Variants in PLXNB2 observed in about 807,000 individuals in gnomAD.
PLXNB2 encodes the protein plexin-B2.
PLXNB2 carries 85 observed loss-of-function variants against 202.6 expected under a neutral mutation model. That is an observed-to-expected ratio of 0.42 (90% confidence interval 0.35 to 0.50). The LOEUF (loss-of-function observed/expected upper bound fraction) is 0.50, where lower values mean the gene tolerates loss of function less well. Ranked by LOEUF, PLXNB2 falls within the 20% of genes least tolerant of loss-of-function variation. The pLI, the probability that PLXNB2 is intolerant of heterozygous loss-of-function variation, is 0.02. For missense variants in PLXNB2, 2,063 were observed against 2,586.2 expected (o/e 0.80, Z 4.39); for synonymous variants, 1,239 against 1,137.6 (o/e 1.09, Z -1.79).
Position 50,283,364 on chromosome 22 carries a change from C to T in PLXNB2, c.2652G>A (p.Ser884=), listed in dbSNP as rs374133339. The change falls in exon 16 of 37, where the codon TCG becomes TCA. Residue 884 remains serine, a synonymous_variant. Coordinates refer to ENST00000359337, the MANE Select transcript of PLXNB2 (RefSeq NM_012401.4). The part of the protein sequence containing the change: ...EVDVFGKLGR[S]PPNVQFTFQQ... Reference sequence around the variant, plus strand: ...GGAAGGTGAACTGGACATTGGGAGGCGAACGGCCCAGTTTCCCGAAGACGT... The same window carrying T: ...GGAAGGTGAACTGGACATTGGGAGGTGAACGGCCCAGTTTCCCGAAGACGT... The T allele has an allele frequency of 3.1e-4, 498 of 1,613,038 alleles. No homozygotes were observed. The highest frequency in any genetic ancestry group is 3.8e-4 in the Non-Finnish European group (454 of 1,179,926).
At chr22:50,280,338 C>T in intron 25 of PLXNB2, 151 bp downstream of exon 25, 1 of 720,228 alleles carries the variant, frequency 1.4e-6, no homozygotes, top group Non-Finnish European at 2.2e-6. Flanking sequence ...TGGCCGGGGA[C>T]ACCACCCCTA....
intron 1 of PLXNB2, among the ~76,000 whole-genome samples, chr22:50,305,536 A>T (rs2067854392): frequency 1.3e-5 from 2 of 152,210 alleles, no homozygotes; most frequent in South Asian, 4.1e-4. Context: ...CGCCATATCC[A>T]GAGGGGGTCG....
intron 36 of PLXNB2, 22 bp from the exon 37 acceptor site, chr22:50,275,830 G>T: frequency 1.2e-6 from 2 of 1,606,618 alleles, no homozygotes; most frequent in Non-Finnish European, 8.5e-7. Flanking sequence ...TCGCATCAGA[G>T]CACACCGGGG....
At chr22:50,306,062 G>C (rs900030780) in intron 1 of PLXNB2, among the ~76,000 whole-genome samples, 24 of 152,202 alleles carry the variant, frequency 1.6e-4, no homozygotes, top group Non-Finnish European at 2.8e-4. Flanking sequence ...CTTCTCCCAC[G>C]CTGCAGCCTC....
In PLXNB2 at chr22:50,289,299, G is replaced by A. The variant is rs1390623806; in HGVS notation, c.1069-157C>T. Among the ~76,000 whole-genome samples, 2 of 151,894 alleles carry A rather than the reference G, an allele frequency of 1.3e-5. No homozygotes were observed. Among genetic ancestry groups the A allele is most frequent in the African/African-American group, 4.8e-5 (2 of 41,330 alleles). Reference sequence around the variant, plus strand: ...AACCCACATGGCAGGGAGCCCCACCGTGCTCACTGTTGTGTTCCCCAGTGC... The same window carrying A: ...AACCCACATGGCAGGGAGCCCCACCATGCTCACTGTTGTGTTCCCCAGTGC... On this transcript the variant is annotated intron_variant, in intron 3 of 36. Coordinates refer to ENST00000359337, the MANE Select transcript of PLXNB2 (RefSeq NM_012401.4). The surrounding 1 kb of genome is among the most constrained non-coding windows in gnomAD (Gnocchi z 8.0).
At position 50,289,785 on chromosome 22, in the gene PLXNB2, C is replaced by G. The variant is rs756079656; in HGVS notation, c.800G>C (p.Arg267Pro). Reference protein sequence around the residue: ...YSYLEMDLQCRDPDIHAAAFG... With the variant: ...YSYLEMDLQCPDPDIHAAAFG... Reference sequence around the variant, plus strand: ...GGCAGCGGCGTGGATGTCGGGGTCCCGGCACTGCAGGTCCATCTCCAGGTA... The same window carrying G: ...GGCAGCGGCGTGGATGTCGGGGTCCGGGCACTGCAGGTCCATCTCCAGGTA... Residue 267 changes from arginine (R) to proline (P), a missense_variant, in exon 3 of 37, where the codon CGG becomes CCG. Arg to Pro is a moderately radical substitution (Grantham distance 103, BLOSUM62 -2). Around this residue, in one of 2 missense-constraint regions of PLXNB2, gnomAD observed 1,303 missense variants for 1,476.8 expected, o/e 0.88. Transcript: ENST00000359337. The surrounding 1 kb of genome is among the most constrained non-coding windows in gnomAD (Gnocchi z 8.0). The G allele has an allele frequency of 3.1e-6, 5 of 1,612,926 alleles. No individual in the cohort carries two copies. The highest frequency in any genetic ancestry group is 1.3e-5 in the African/African-American group (1 of 74,956).
chr22:50,289,490 C>T lies in PLXNB2; in HGVS notation c.1068+27G>A, dbSNP rs917879366. 1 of 1,572,542 alleles carries T rather than the reference C, an allele frequency of 6.4e-7. No individual in the cohort carries two copies. Among genetic ancestry groups the T allele is most frequent in the Non-Finnish European group, 8.6e-7 (1 of 1,157,226 alleles). On this transcript the variant is annotated intron_variant, in intron 3 of 36. Transcript: ENST00000359337. The surrounding 1 kb of genome is among the most constrained non-coding windows in gnomAD (Gnocchi z 8.0). ...ACGAACGGACGCCTGCAGTCCGGGC[C>T]CTGCGAGAACACACTGAGGCCCATA...
intron 25 of PLXNB2, 125 bp downstream of exon 25, chr22:50,280,364 C>G (rs147117578): frequency 0.038 from 33,657 of 886,930 alleles, 811 homozygotes; most frequent in Non-Finnish European, 0.046. Flanking sequence ...CCCCCCACCA[C>G]CAGCGCTGGC....
At chr22:50,286,328 A>C (rs574693220) in intron 8 of PLXNB2, 41 bp from the exon 9 acceptor site, 125 of 1,449,498 alleles carry the variant, frequency 8.6e-5, no homozygotes, top group Admixed American at 7.2e-4. Context: ...TGGCGGCCGC[A>C]GGGCCGAGGG....
intron 1 of PLXNB2, among the ~76,000 whole-genome samples, chr22:50,306,939 C>A (rs2067905658): frequency 6.6e-6 from 1 of 152,180 alleles, no homozygotes; most frequent in Non-Finnish European, 1.5e-5. Flanking sequence ...GGGCTTCCTG[C>A]AGGAGCAGGG....
chr22:50,276,038 G>A (rs887084893), intron 35 of PLXNB2, 75 bp from the exon 36 acceptor site: 10 of 1,428,968 alleles, frequency 7.0e-6, no homozygotes, highest in Admixed American at 1.7e-5. Flanking sequence ...AGTACGGGAC[G>A]CCCAGGACGA....
rs895385438 is a variant in PLXNB2 at position 50,279,508 on chromosome 22, C to A, written c.4389+122G>T. The A allele has an allele frequency of 1.2e-4, 113 of 975,828 alleles. 1 individual carries two copies. The highest frequency in any genetic ancestry group is 2.3e-4 in the Middle Eastern group (1 of 4,306). 60.4% of individuals were successfully genotyped at this position (975,828 alleles called of 1,614,324 possible). A position where few individuals can be genotyped will look rare whatever the true frequency, so the allele number is the denominator to read the frequency against. The stretch of plus-strand genomic sequence containing the variant: ...GAGGCCGAGTTAGAGCAGGCTGTAA[C>A]TCGAATCCACAGAGGAGGTGGACGG... On this transcript the variant is annotated intron_variant, in intron 27 of 36. Transcript: ENST00000359337.
Position 50,281,893 on chromosome 22 carries a change from A to C in PLXNB2, c.3306T>G (p.Gly1102=), listed in dbSNP as rs2066020917. ...GCTTGTTGACCTGCTTCTTGACGCC[A>C]CCTGTGAAGTTCTCAAAGGTGGGGT... ...VPDPTFENFT[G]GVKKQVNKLI... is the part of the protein sequence containing the mutation. The change falls in exon 20 of 37, where the codon GGT becomes GGG. Residue 1102 remains glycine, a synonymous_variant. Transcript: ENST00000359337. 1 of 1,612,752 alleles carries C rather than the reference A, an allele frequency of 6.2e-7. No individual in the cohort carries two copies. Among genetic ancestry groups the C allele is most frequent in the Non-Finnish European group, 8.5e-7 (1 of 1,179,944 alleles).
Position 50,284,597 on chromosome 22 carries a change from C to T in PLXNB2, c.2157G>A (p.Gly719=), listed in dbSNP as rs2066283046. 6.2e-7 allele frequency: 1 copy of T among 1,611,178 alleles called. No individual in the cohort carries two copies. Among genetic ancestry groups the T allele is most frequent in the Non-Finnish European group, 8.5e-7 (1 of 1,179,208 alleles). ...CCTTTGGGGTCCGAAAGGCGAAGGT[C>T]CCAGATTCCTGCATGGTCACCGGCT... ...FMEPVTMQES[G]TFAFRTPKLS... The change falls in exon 12 of 37, where the codon GGG becomes GGA. Residue 719 remains glycine (G), a synonymous_variant. Transcript: ENST00000359337. The surrounding 1 kb of genome is among the most constrained non-coding windows in gnomAD (Gnocchi z 8.0).
At position 50,280,750 on chromosome 22, in the gene PLXNB2, G is replaced by A. The variant is rs767904616; in HGVS notation, c.3987C>T (p.Leu1329=). The A allele has an allele frequency of 1.5e-4, 199 of 1,318,050 alleles. No individual in the cohort carries two copies. Among genetic ancestry groups the A allele is most frequent in the Admixed American group, 3.8e-4 (21 of 55,682 alleles). 81.6% of individuals were successfully genotyped at this position (1,318,050 alleles called of 1,614,324 possible). Residue 1329 remains leucine (L), a synonymous_variant, in exon 24 of 37, where the codon CTC becomes CTT. Transcript: ENST00000359337. ...FSNLLNSKSF[L]INFIHTLENQ... Reference sequence around the variant, plus strand: ...CGCCCGACGCCTGGCTCACATTGATGAGGAAAGACTTGCTGTTCAGCAGGT... The same window carrying A: ...CGCCCGACGCCTGGCTCACATTGATAAGGAAAGACTTGCTGTTCAGCAGGT...
rs2065779897 is a variant in PLXNB2, at chr22:50,278,648, G to A, written c.4595C>T (p.Thr1532Met). ...TAQILSDLDL[T>M]SQREGRWKRV... ...CTTCCACCGGCCCTCCCGCTGTGAC[G>A]TCAGGTCCAGGTCCGACAGGATCTG... The change falls in exon 29 of 37, where the codon ACG becomes ATG. Residue 1532 changes from threonine to methionine, a missense_variant. By Grantham distance (81) the Thr-to-Met change is moderately conservative (BLOSUM62 -1). Coordinates refer to ENST00000359337, the MANE Select transcript of PLXNB2 (RefSeq NM_012401.4). The A allele has an allele frequency of 1.2e-6, 2 of 1,612,876 alleles. No individual in the cohort carries two copies. The highest frequency in any genetic ancestry group is 1.7e-6 in the Non-Finnish European group (2 of 1,179,840).
At chr22:50,283,219 C>T (rs552309668) in intron 16 of PLXNB2, 33 bp from the exon 17 acceptor site, 165 of 1,599,252 alleles carry the variant, frequency 1.0e-4, no homozygotes, top group African/African-American at 1.6e-4. Context: ...CGGGTGAGGA[C>T]GGGGCACAGG....
At chr22:50,300,603 G>A (rs915997683) in intron 1 of PLXNB2, among the ~76,000 whole-genome samples, 19 of 152,222 alleles carry the variant, frequency 1.2e-4, no homozygotes, top group Non-Finnish European at 2.5e-4. Context: ...CCTGAGCCTC[G>A]CTTCAGCGTC....
chr22:50,276,912 G>A lies in PLXNB2; in HGVS notation c.5197-6C>T. The A allele has an allele frequency of 6.3e-7, 1 of 1,593,762 alleles. No individual in the cohort carries two copies. Among genetic ancestry groups the A allele is most frequent in the Non-Finnish European group, 8.5e-7 (1 of 1,169,680 alleles). On this transcript the variant is annotated splice_polypyrimidine_tract_variant and splice_region_variant and intron_variant, in intron 33 of 36. Transcript: ENST00000359337. The stretch of plus-strand genomic sequence containing the variant: ...AGCTTGTTGCTGGGAGAATCCTGTT[G>A]GGGACAAAACCCAGTGATGCCTGGC...
Sources: gnomAD v4.1 joint callset for allele counts (sites outside exome capture counted in the v4.1 genomes callset) on GRCh38, gnomAD v4.1.1 for gene constraint, gnomAD v4.1.1 regional missense constraint, Gnocchi (gnomAD v3.1) non-coding constraint, MANE v1.5 for transcripts, NCBI Gene and HGNC (gene_info 2026-07-23, HGNC 2026-07-21) for gene names.